Variants in MYOM2 observed in about 807,000 individuals in gnomAD.
MYOM2 encodes myomesin-2.
Under a neutral mutation model 187.6 loss-of-function variants are expected in MYOM2, and 254 were observed. That is an observed-to-expected ratio of 1.35 (90% CI 1.22 to 1.50). MYOM2 has a LOEUF of 1.50. Ranked by LOEUF, MYOM2 falls within the 40% of genes most tolerant of loss-of-function variation. The pLI, the probability that MYOM2 is intolerant of heterozygous loss-of-function variation, is 0.00. For synonymous variants in MYOM2, 981 were observed against 753.8 expected (o/e 1.30, Z -4.94); for missense variants, 2,796 against 1,924.0 (o/e 1.45, Z -8.48).
intron 6 of MYOM2, among the ~76,000 whole-genome samples, chr8:2,066,037 C>T (rs1038749200): frequency 6.6e-6 from 1 of 152,184 alleles, no homozygotes; most frequent in Non-Finnish European, 1.5e-5. Context: ...TCCATGTAGC[C>T]CACACTCCCG....
At chr8:2,055,729 G>A (rs1460748718) in intron 3 of MYOM2, among the ~76,000 whole-genome samples, 1 of 152,154 alleles carries the variant, frequency 6.6e-6, no homozygotes, top group African/African-American at 2.4e-5. Flanking sequence ...GAGCCGTGTG[G>A]GGTTGTGGAA....
At chr8:2,106,138 G>A in intron 21 of MYOM2, 104 bp from the exon 22 acceptor site, 3 of 1,159,860 alleles carry the variant, frequency 2.6e-6, no homozygotes, top group South Asian at 1.5e-5. Context: ...TTTGAGATGA[G>A]ATTTGGGTGT....
Position 2,052,325 on chromosome 8 carries a change from G to A in MYOM2, c.263+12G>A. The A allele has an allele frequency of 1.0e-5, 16 of 1,589,086 alleles. No individual in the cohort carries two copies. The highest frequency in any genetic ancestry group is 1.4e-5 in the Non-Finnish European group (16 of 1,166,712). The stretch of plus-strand genomic sequence containing the variant: ...GAGAACAGAAGCAGGTGAGCACATG[G>A]CTTCCCTGACTCCACTTGTGCCCTG... On this transcript the variant is annotated intron_variant, in intron 3 of 36. Coordinates refer to ENST00000262113, the MANE Select transcript of MYOM2 (RefSeq NM_003970.4).
intron 28 of MYOM2, among the ~76,000 whole-genome samples, chr8:2,122,681 G>C (rs973422064): frequency 1.3e-5 from 2 of 152,278 alleles, no homozygotes; most frequent in South Asian, 2.1e-4. Context: ...CAATGCCGGA[G>C]CATGTGAATT....
chr8:2,129,999 G>A (rs749356598), intron 32 of MYOM2, among the ~76,000 whole-genome samples: 35 of 151,988 alleles, frequency 2.3e-4, no homozygotes, highest in Non-Finnish European at 3.5e-4. Flanking sequence ...CGATCTCTTC[G>A]CTATCCAAAG....
rs1055213587 is a variant in MYOM2, at chr8:2,116,984, C to T, written c.3385+709C>T. 2.6e-5 allele frequency among the ~76,000 whole-genome samples: 4 copies of T among 152,298 alleles called. No homozygotes were observed. In the South Asian group the frequency reaches 6.2e-4, roughly 24 times the overall value. ...TTCACCGTGTTAACCAGGATGGTCT[C>T]GATCTCCTGACCTCGTGATCCGCCC... is the stretch of plus-strand genomic sequence containing the variant. On this transcript the variant is annotated intron_variant, in intron 27 of 36. Coordinates refer to ENST00000262113, the MANE Select transcript of MYOM2 (RefSeq NM_003970.4).
intron 3 of MYOM2, among the ~76,000 whole-genome samples, chr8:2,052,961 A>G (rs1425516874): frequency 6.6e-6 from 1 of 152,236 alleles, no homozygotes; most frequent in East Asian, 1.9e-4. Context: ...TGCCAGTCTT[A>G]AAATTATTTC....
chr8:2,105,967 T>C (rs1270265337), intron 21 of MYOM2, among the ~76,000 whole-genome samples: 1 of 152,158 alleles, frequency 6.6e-6, no homozygotes, highest in Non-Finnish European at 1.5e-5. Context: ...AGGGCACTTC[T>C]TCACAGGGCG....
rs148189071 is a variant in MYOM2, at chr8:2,076,259, C to T, written c.1239C>T (p.Pro413=). 1.4e-5 allele frequency: 22 copies of T among 1,613,654 alleles called. No individual in the cohort carries two copies. The highest frequency in any genetic ancestry group is 8.8e-5 in the South Asian group (8 of 90,978). The change falls in exon 11 of 37, where the codon CCC becomes CCT. Residue 413 remains proline (P), a synonymous_variant. Coordinates refer to ENST00000262113, the MANE Select transcript of MYOM2 (RefSeq NM_003970.4). ...CGCCCAACACCACCACTGAGAGCCC[C>T]GTCATGGGCTATTTTGTGGACCGGT... The part of the protein sequence containing the change: ...WKPPNTTTES[P]VMGYFVDRCE...
At chr8:2,113,027 C>G (rs552668174) in intron 25 of MYOM2, among the ~76,000 whole-genome samples, 3 of 152,298 alleles carry the variant, frequency 2.0e-5, no homozygotes, top group African/African-American at 4.8e-5. Context: ...GGCTGGAAAG[C>G]CTTTGCCCCA....
At chr8:2,051,218 G>C (rs760443287) in intron 2 of MYOM2, among the ~76,000 whole-genome samples, 8 of 152,212 alleles carry the variant, frequency 5.3e-5, no homozygotes, top group Non-Finnish European at 7.3e-5. Flanking sequence ...GAAACTGGTG[G>C]GAAAGGCTGT....
chr8:2,123,519 G>C (rs1056722224), intron 29 of MYOM2, 36 bp from the exon 30 acceptor site: 7 of 1,575,716 alleles, frequency 4.4e-6, no homozygotes, highest in Middle Eastern at 1.7e-4. Context: ...TTGCAGTATT[G>C]ACTTTACATA....
chr8:2,047,506 C>G (rs911058158), intron 1 of MYOM2, among the ~76,000 whole-genome samples: 1 of 152,156 alleles, frequency 6.6e-6, no homozygotes, highest in Non-Finnish European at 1.5e-5. Flanking sequence ...GCTACTCTCC[C>G]GAGCCAGGAG....
chr8:2,093,379 C>T (rs142471271), intron 16 of MYOM2, among the ~76,000 whole-genome samples: 10 of 152,280 alleles, frequency 6.6e-5, no homozygotes, highest in South Asian at 4.1e-4. Context: ...ATTGCTTACA[C>T]GGACTGAATA....
intron 13 of MYOM2, chr8:2,081,979 T>A (rs1439664378): frequency 1.3e-5 from 2 of 152,258 alleles, no homozygotes; most frequent in East Asian, 1.9e-4. Context: ...GTTGTGAATG[T>A]GGCAGGATTT....
At chr8:2,113,796 G>T (rs1797147233) in intron 25 of MYOM2, among the ~76,000 whole-genome samples, 1 of 152,220 alleles carries the variant, frequency 6.6e-6, no homozygotes, top group South Asian at 2.1e-4. Flanking sequence ...CAATGCCACA[G>T]ATGGCAGGGT....
chr8:2,096,942 C>G (rs1796511870), intron 18 of MYOM2: 1 of 176,090 alleles, frequency 5.7e-6, no homozygotes, highest in East Asian at 1.9e-4. Flanking sequence ...AGGACATCGA[C>G]TTGGAGCTCA....
At position 2,142,384 on chromosome 8, in the gene MYOM2, T is replaced by G; in HGVS notation, c.4011T>G (p.Ala1337=). ...CCCCTTTAACTTTTAGAGCTGCTGC[T>G]TTTGCAGAGAAGAGTAAGTACCTGT... ...FAEFQQFKAA[A]FAEKNRGRLI... The change falls in exon 35 of 37, where the codon GCT becomes GCG. Residue 1337 remains alanine (A), a synonymous_variant. Transcript: ENST00000262113. 6.2e-7 allele frequency: 1 copy of G among 1,613,942 alleles called. No individual in the cohort carries two copies. Among genetic ancestry groups the G allele is most frequent in the Non-Finnish European group, 8.5e-7 (1 of 1,179,758 alleles).
rs1233410660 is a variant in MYOM2, at chr8:2,086,221, CTTTG to C, written c.1644+833_1644+836del. 1.8e-3 allele frequency among the ~76,000 whole-genome samples: 34 copies of C among 18,480 alleles called. 10 individuals carry two copies. In the East Asian group the frequency reaches 0.043, roughly 23 times the overall value. 12.1% of individuals were successfully genotyped at this position (18,480 alleles called of 152,430 possible). A position where few individuals can be genotyped will look rare whatever the true frequency, so the allele number is the denominator to read the frequency against. ...CTGCGTGGCCCCACTGTCATGATCT[CTTTG>C]TGGCCCCCCACTGTTGTGATCTTTG... On this transcript the variant is annotated intron_variant, in intron 14 of 36. Coordinates refer to ENST00000262113, the MANE Select transcript of MYOM2 (RefSeq NM_003970.4).
Sources: allele counts gnomAD v4.1 joint callset (sites outside exome capture counted in the v4.1 genomes callset), GRCh38; gene constraint gnomAD v4.1.1; transcripts MANE v1.5; gene names NCBI Gene and HGNC (gene_info 2026-07-23, HGNC 2026-07-21).